The following NIBAN1 variants were observed in gnomAD, a reference collection of about 807,000 sequenced individuals.
The protein encoded by NIBAN1 is niban apoptosis regulator 1.
Under a neutral mutation model 75.1 loss-of-function variants are expected in NIBAN1, and 81 were observed. The observed-to-expected ratio is 1.08, with a 90% confidence interval of 0.90 to 1.30. The LOEUF (loss-of-function observed/expected upper bound fraction) is 1.30, where lower values mean the gene tolerates loss of function less well. Among genes scored for constraint, NIBAN1 ranks in the 50% most tolerant of loss-of-function variants. NIBAN1 has a pLI of 0.00. For missense variants in NIBAN1, 1,133 were observed against 1,128.1 expected (o/e 1.00, Z -0.06); for synonymous variants, 436 against 424.8 (o/e 1.03, Z -0.32).
At position 184,832,699 on chromosome 1, in the gene NIBAN1, G is replaced by C. The variant is rs189043153; in HGVS notation, c.602-737C>G. 2.0e-5 allele frequency among the ~76,000 whole-genome samples: 3 copies of C among 152,264 alleles called. No individual in the cohort carries two copies. In the East Asian group the frequency reaches 5.8e-4, roughly 29 times the overall value. The stretch of plus-strand genomic sequence containing the variant: ...TATTGTCTTACATACTAGTTTTACG[G>C]GTTTGCCCTTCTAAACATACTGGAT... On this transcript the variant is annotated intron_variant, in intron 5 of 13. Coordinates refer to ENST00000367511, the MANE Select transcript of NIBAN1 (RefSeq NM_052966.4).
chr1:184,861,328 C>T (rs895945444), intron 5 of NIBAN1, among the ~76,000 whole-genome samples: 4 of 152,198 alleles, frequency 2.6e-5, no homozygotes, highest in African/African-American at 7.2e-5. Flanking sequence ...CCTTTACACA[C>T]GTATCTCAAT....
In NIBAN1 at chr1:184,937,647, C is replaced by T. The variant is rs999741011; in HGVS notation, c.55+36655G>A. Among the ~76,000 whole-genome samples, 23 of 152,118 alleles carry T rather than the reference C, an allele frequency of 1.5e-4. No individual in the cohort carries two copies. In the East Asian group the frequency reaches 1.9e-3, roughly 13 times the overall value. On this transcript the variant is annotated intron_variant, in intron 1 of 13. Coordinates refer to ENST00000367511, the MANE Select transcript of NIBAN1 (RefSeq NM_052966.4). ...TTGCAAACACAGTAAATGTGACAAA[C>T]GTCGTAACAAAATAAAAGCAGGTGT...
Position 184,834,369 on chromosome 1 carries a change from T to C in NIBAN1, c.602-2407A>G, listed in dbSNP as rs138753029. Among the ~76,000 whole-genome samples the C allele has an allele frequency of 8.2e-3, 1,247 of 152,312 alleles. 13 individuals carry two copies. The highest frequency in any genetic ancestry group is 0.028 in the African/African-American group (1,170 of 41,576). ...CATGATTTATAATCCTTTGGGTATA[T>C]ACCCAGTAATGGGATGGCTGGGTCA... On this transcript the variant is annotated intron_variant, in intron 5 of 13. Coordinates refer to ENST00000367511, the MANE Select transcript of NIBAN1 (RefSeq NM_052966.4).
chr1:184,932,060 G>A (rs1412316262), intron 1 of NIBAN1, among the ~76,000 whole-genome samples: 3 of 152,040 alleles, frequency 2.0e-5, no homozygotes, highest in South Asian at 2.1e-4. Flanking sequence ...ATTATAAAAC[G>A]AGTTATGTAC....
chr1:184,936,116 GA>G (rs1657953585), intron 1 of NIBAN1, among the ~76,000 whole-genome samples: 1 of 151,826 alleles, frequency 6.6e-6, no homozygotes, highest in African/African-American at 2.4e-5. Flanking sequence ...ACTCAGAACT[GA>G]CCTCATCCAA....
At chr1:184,837,440 A>G (rs974713506) in intron 5 of NIBAN1, among the ~76,000 whole-genome samples, 1 of 152,210 alleles carries the variant, frequency 6.6e-6, no homozygotes, top group Non-Finnish European at 1.5e-5. Context: ...GAAATGGTTA[A>G]TTTCCTAGCT....
intron 5 of NIBAN1, among the ~76,000 whole-genome samples, chr1:184,861,534 AAGGGAGGAAGGG>A (rs910739389): frequency 6.8e-6 from 1 of 146,076 alleles, no homozygotes; most frequent in African/African-American, 2.5e-5. Flanking sequence ...AGGAGGGAGG[AAGGGAGGAAGGG>A]AGGGAGGAAG....
chr1:184,880,128 C>T (rs1012347456), intron 5 of NIBAN1, among the ~76,000 whole-genome samples: 2 of 152,242 alleles, frequency 1.3e-5, no homozygotes, highest in Admixed American at 6.5e-5. Flanking sequence ...GCCAGCATTA[C>T]ACCTCCTTTC....
intron 1 of NIBAN1, among the ~76,000 whole-genome samples, chr1:184,910,261 A>T (rs1657206736): frequency 6.6e-6 from 1 of 152,204 alleles, no homozygotes; most frequent in Non-Finnish European, 1.5e-5. Context: ...CTAAGAAAGC[A>T]ACTTGAGTTC....
chr1:184,792,394 C>A lies in NIBAN1; in HGVS notation c.*2583G>T, dbSNP rs189001807. 1.3e-5 allele frequency: 2 copies of A among 152,642 alleles called. No individual in the cohort carries two copies. Among genetic ancestry groups the A allele is most frequent in the African/African-American group, 4.8e-5 (2 of 41,530 alleles). 9.5% of individuals were successfully genotyped at this position (152,642 alleles called of 1,614,324 possible). A position where few individuals can be genotyped will look rare whatever the true frequency, so the allele number is the denominator to read the frequency against. ...CATCCAATGCAGTGAAAGGTACTCT[C>A]TTTTAGGGTTGAAAAAAATCTCTTA... On this transcript the variant is annotated 3_prime_UTR_variant, in exon 14 of 14. Coordinates refer to ENST00000367511, the MANE Select transcript of NIBAN1 (RefSeq NM_052966.4).
At chr1:184,801,894 TG>T (rs1654052439) in intron 12 of NIBAN1, among the ~76,000 whole-genome samples, 1 of 152,170 alleles carries the variant, frequency 6.6e-6, no homozygotes, top group African/African-American at 2.4e-5. Context: ...ACAAAACAGG[TG>T]TTTTATATTG....
intron 1 of NIBAN1, among the ~76,000 whole-genome samples, chr1:184,973,066 TTA>T (rs1350084838): frequency 6.6e-6 from 1 of 152,250 alleles, no homozygotes; most frequent in East Asian, 1.9e-4. Flanking sequence ...CAGGCTTCAT[TTA>T]TTTCTTTTAA....
intron 1 of NIBAN1, among the ~76,000 whole-genome samples, chr1:184,973,110 A>T (rs936616523): frequency 1.1e-4 from 17 of 152,294 alleles, no homozygotes; most frequent in Admixed American, 8.5e-4. Context: ...AATATAAATA[A>T]ATCATCCGTC....
chr1:184,821,274 C>T (rs1274345584), intron 8 of NIBAN1, among the ~76,000 whole-genome samples: 1 of 152,166 alleles, frequency 6.6e-6, no homozygotes, highest in Non-Finnish European at 1.5e-5. Context: ...AGGAAATAGA[C>T]AGATCACCAT....
At chr1:184,891,502 A>G (rs946142868) in intron 3 of NIBAN1, among the ~76,000 whole-genome samples, 2 of 152,218 alleles carry the variant, frequency 1.3e-5, no homozygotes, top group Non-Finnish European at 1.5e-5. Context: ...ACAGGCCCCA[A>G]TATTGGCTTT....
intron 1 of NIBAN1, among the ~76,000 whole-genome samples, chr1:184,956,243 C>T (rs754467506): frequency 1.3e-5 from 2 of 152,012 alleles, no homozygotes; most frequent in Non-Finnish European, 2.9e-5. Flanking sequence ...CCCAGGCTGG[C>T]CTCAAACTCC....
intron 1 of NIBAN1, among the ~76,000 whole-genome samples, chr1:184,899,957 C>T (rs900088334): frequency 2.6e-5 from 4 of 152,008 alleles, no homozygotes; most frequent in African/African-American, 9.7e-5. Context: ...GCTGGGATTA[C>T]ATGTATGTGC....
At chr1:184,798,862 A>G (rs1174237577) in intron 12 of NIBAN1, among the ~76,000 whole-genome samples, 1 of 151,752 alleles carries the variant, frequency 6.6e-6, no homozygotes, top group African/African-American at 2.4e-5. Flanking sequence ...AATCATAATT[A>G]TTTTGCATTT....
chr1:184,818,698 T>C lies in NIBAN1; in HGVS notation c.1113A>G (p.Lys371=), dbSNP rs1463759876. The change falls in exon 9 of 14, where the codon AAA becomes AAG. Residue 371 remains lysine, a synonymous_variant. Transcript: ENST00000367511. ...GFSEVRVLFE[K]EVNEVSQNFQ... is the part of the protein sequence containing the mutation. ...AGTTCTGGCTGACTTCATTCACCTC[T>C]TTCTCAAAGAGTACACGTACTTCAC... 1 of 1,612,832 alleles carries C rather than the reference T, an allele frequency of 6.2e-7. No homozygotes were observed. The highest frequency in any genetic ancestry group is 1.7e-5 in the Admixed American group (1 of 59,992).
Sources: gnomAD v4.1 joint callset for allele counts (sites outside exome capture counted in the v4.1 genomes callset) on GRCh38, gnomAD v4.1.1 for gene constraint, MANE v1.5 for transcripts, NCBI Gene and HGNC (gene_info 2026-07-23, HGNC 2026-07-21) for gene names.